Variants in ASB2 observed in about 807,000 individuals in gnomAD.
ASB2 encodes the protein ankyrin repeat and SOCS box containing 2.
In ASB2, 58 loss-of-function variants were observed where a neutral mutation model predicts 62.4. The observed-to-expected ratio is 0.93, with a 90% CI of 0.75 to 1.16. ASB2 has a LOEUF of 1.16. Among genes scored for constraint, ASB2 ranks in the 50% most tolerant of loss-of-function variants. The pLI, the probability that ASB2 is intolerant of heterozygous loss-of-function variation, is 0.00. For missense variants in ASB2, 928 were observed against 887.9 expected, an observed-to-expected ratio of 1.05 and a Z score of -0.57; for synonymous variants, 386 against 385.3, an observed-to-expected ratio of 1.00 and a Z score of -0.02.
chr14:93,942,849 GTGATGATGA>G lies in ASB2; in HGVS notation c.1053-3186_1053-3178del, dbSNP rs3838359. Among the ~76,000 whole-genome samples, 11 of 151,048 alleles carry G rather than the reference GTGATGATGA, an allele frequency of 7.3e-5. 1 individual carries two copies. Among genetic ancestry groups the G allele is most frequent in the African/African-American group, 2.5e-4 (10 of 40,712 alleles). ...AGAGGGGTAATTAATTGTAATAATA[GTGATGATGA>G]TGATGATGATGATGATGGTGATAGC... is the stretch of plus-strand genomic sequence containing the variant. On this transcript the variant is annotated intron_variant, in intron 7 of 9. Coordinates refer to ENST00000555019, the MANE Select transcript of ASB2 (RefSeq NM_001202429.2).
Position 93,950,917 on chromosome 14 carries a change from G to A in ASB2, c.880+82C>T, listed in dbSNP as rs546550822. On this transcript the variant is annotated intron_variant, in intron 6 of 9. Coordinates refer to ENST00000555019, the MANE Select transcript of ASB2 (RefSeq NM_001202429.2). ...GTGCGCACAAGATGACCCCTAACTC[G>A]CCTTCCCTTAGAGCTGACCTCTGAC... is the stretch of plus-strand genomic sequence containing the variant. The A allele has an allele frequency of 6.9e-5, 102 of 1,480,234 alleles. No homozygotes were observed. The African/African-American group carries it at 1.0e-3, about 15-fold the overall frequency. The allele number at this position is 1,480,234 out of a possible 1,614,324, so 91.7% of individuals were successfully genotyped here. A position where few individuals can be genotyped will look rare whatever the true frequency, so the allele number is the denominator to read the frequency against.
chr14:93,970,166 T>C (rs879851389), intron 1 of ASB2, among the ~76,000 whole-genome samples: 1 of 151,258 alleles, frequency 6.6e-6, no homozygotes, highest in Non-Finnish European at 1.5e-5. Context: ...GGGTGGGAGG[T>C]GGTCACTCTC....
At chr14:93,951,359 T>C in intron 5 of ASB2, 115 bp from the exon 6 acceptor site, 2 of 1,275,620 alleles carry the variant, frequency 1.6e-6, no homozygotes, top group Non-Finnish European at 2.1e-6. Context: ...TTCCACTGCA[T>C]GTGTATTAAG....
chr14:93,974,082 T>C (rs1037447795), intron 1 of ASB2: 1 of 152,214 alleles, frequency 6.6e-6, no homozygotes, highest in African/African-American at 2.4e-5. Flanking sequence ...TGGAAATCTT[T>C]TAAGTTAGAT....
At position 93,964,625 on chromosome 14, in the gene ASB2, C is replaced by T. The variant is rs968166011; in HGVS notation, c.-73-13G>A. 1.3e-5 allele frequency: 16 copies of T among 1,244,012 alleles called. No individual in the cohort carries two copies. Among genetic ancestry groups the T allele is most frequent in the Middle Eastern group, 4.6e-4 (2 of 4,334 alleles). The allele number at this position is 1,244,012 out of a possible 1,614,324, so 77.1% of individuals were successfully genotyped here. A position where few individuals can be genotyped will look rare whatever the true frequency, so the allele number is the denominator to read the frequency against. ...AAATCAGAAAACCCTGTGAGGAAAC[C>T]AAAACCATCCTGGTCACGAACAGTT... On this transcript the variant is annotated splice_polypyrimidine_tract_variant and intron_variant, in intron 1 of 9. Coordinates refer to ENST00000555019, the MANE Select transcript of ASB2 (RefSeq NM_001202429.2).
chr14:93,957,029 T>G, intron 2 of ASB2, 159 bp from the exon 3 acceptor site: 2 of 1,518,600 alleles, frequency 1.3e-6, no homozygotes, highest in East Asian at 4.6e-5. Context: ...GTCCTCTGTG[T>G]GCTGGACACA....
chr14:93,938,531 C>A (rs1014184608), intron 8 of ASB2, among the ~76,000 whole-genome samples: 8 of 152,158 alleles, frequency 5.3e-5, no homozygotes, highest in Non-Finnish European at 1.0e-4. Flanking sequence ...TGAGCCACCG[C>A]GCCCGGCCAA....
At chr14:93,939,868 G>C (rs961641049) in intron 7 of ASB2, 196 bp from the exon 8 acceptor site, 1 of 467,430 alleles carries the variant, frequency 2.1e-6, no homozygotes, top group African/African-American at 2.1e-5. Context: ...GTCGGCTGCC[G>C]TCTCCGCTTT....
intron 6 of ASB2, among the ~76,000 whole-genome samples, chr14:93,949,240 C>T (rs1888856671): frequency 6.6e-6 from 1 of 152,202 alleles, no homozygotes. Flanking sequence ...CTCAGGCTTT[C>T]TGGTAATTTA....
At position 93,953,399 on chromosome 14, in the gene ASB2, G is replaced by A. The variant is rs1297332735; in HGVS notation, c.587C>T (p.Ala196Val). The A allele has an allele frequency of 2.5e-6, 4 of 1,602,882 alleles. No homozygotes were observed. The African/African-American group carries it at 5.4e-5, about 21-fold the overall frequency. ...DCLLSLLQAG[A>V]EPDISNKSRE... ...GGATTTGTTGGAGATGTCCGGCTCT[G>A]CCCCTGCTTGGAGCAGTGACAGGAG... is the stretch of plus-strand genomic sequence containing the variant. Residue 196 changes from alanine (A) to valine (V), a missense_variant, in exon 5 of 10, where the codon GCA becomes GTA. By Grantham distance (64) the Ala-to-Val change is moderately conservative (BLOSUM62 0). Transcript: ENST00000555019.
chr14:93,968,527 A>T (rs1167524943), intron 1 of ASB2, among the ~76,000 whole-genome samples: 2 of 152,132 alleles, frequency 1.3e-5, no homozygotes, highest in East Asian at 3.9e-4. Flanking sequence ...AGGAACACTG[A>T]CCCAAGCAAC....
intron 1 of ASB2, among the ~76,000 whole-genome samples, chr14:93,972,493 G>C (rs1161411552): frequency 2.6e-5 from 4 of 152,148 alleles, no homozygotes; most frequent in Admixed American, 6.6e-5. Context: ...TACTTTTTCA[G>C]TACTAGGGAG....
Position 93,939,355 on chromosome 14 carries a change from A to G in ASB2, c.1370T>C (p.Met457Thr). The G allele has an allele frequency of 6.2e-7, 1 of 1,612,652 alleles. No individual in the cohort carries two copies. Among genetic ancestry groups the G allele is most frequent in the Non-Finnish European group, 8.5e-7 (1 of 1,179,668 alleles). The change falls in exon 8 of 10, where the codon ATG (methionine) becomes ACG (threonine). Residue 457 changes from methionine (M) to threonine (T), a missense_variant. By Grantham distance (81) the Met-to-Thr change is moderately conservative. Transcript: ENST00000555019. The part of the protein sequence containing the change: ...VAIRHGCLRT[M>T]QLLLDHGANI... ...CGCGCCGTGGTCCAGCAGCAGCTGC[A>G]TTGTGCGCAGGCAGCCGTGGCGGAT...
At chr14:93,946,390 C>A (rs1888723241) in intron 7 of ASB2, among the ~76,000 whole-genome samples, 2 of 152,242 alleles carry the variant, frequency 1.3e-5, no homozygotes, top group South Asian at 4.1e-4. Flanking sequence ...CAGGCTTCCC[C>A]ATGTAGCAGT....
chr14:93,941,451 A>G, intron 7 of ASB2: 1 of 322,600 alleles, frequency 3.1e-6, no homozygotes, highest in Non-Finnish European at 6.1e-6. Flanking sequence ...TCTCAGTGGA[A>G]AGTATTATGA....
At chr14:93,943,174 T>A (rs1374011659) in intron 7 of ASB2, among the ~76,000 whole-genome samples, 1 of 152,184 alleles carries the variant, frequency 6.6e-6, no homozygotes, top group African/African-American at 2.4e-5. Flanking sequence ...TGCTTCTGAG[T>A]ATAAATGAGA....
Position 93,934,580 on chromosome 14 carries a change from G to T in ASB2, c.*76C>A. 6.7e-7 allele frequency: 1 copy of T among 1,492,712 alleles called. No individual in the cohort carries two copies. The highest frequency in any genetic ancestry group is 9.3e-7 in the Non-Finnish European group (1 of 1,080,254). The allele number at this position is 1,492,712 out of a possible 1,614,324, so 92.5% of individuals were successfully genotyped here. A position where few individuals can be genotyped will look rare whatever the true frequency, so the allele number is the denominator to read the frequency against. On this transcript the variant is annotated 3_prime_UTR_variant, in exon 10 of 10. Transcript: ENST00000555019. ...GCCTCGTCTGTCACCAGGTCCCCTT[G>T]GAGTTGGGAACACCGACGTCCTGAG...
chr14:93,961,897 C>A (rs1387636497), intron 2 of ASB2, among the ~76,000 whole-genome samples: 1 of 152,142 alleles, frequency 6.6e-6, no homozygotes, highest in African/African-American at 2.4e-5. Context: ...ACAGCATCAG[C>A]AGAGCCTGGT....
chr14:93,945,337 G>A lies in ASB2; in HGVS notation c.1052+2012C>T, dbSNP rs536475386. ...TTGTGGAACTCAAGAGAAAGGAGCC[G>A]TCTTGTCCATGCCCACTGCCTGGCT... On this transcript the variant is annotated intron_variant, in intron 7 of 9. Coordinates refer to ENST00000555019, the MANE Select transcript of ASB2 (RefSeq NM_001202429.2). 1.5e-3 allele frequency among the ~76,000 whole-genome samples: 233 copies of A among 152,280 alleles called. 1 individual carries two copies. Among genetic ancestry groups the A allele is most frequent in the African/African-American group, 5.3e-3 (219 of 41,554 alleles).
Sources: allele counts gnomAD v4.1 joint callset (sites outside exome capture counted in the v4.1 genomes callset), GRCh38; gene constraint gnomAD v4.1.1; transcripts MANE v1.5; gene names NCBI Gene and HGNC (gene_info 2026-07-23, HGNC 2026-07-21).